PTPRD: variants seen among roughly 807,000 people sequenced by gnomAD.
The protein encoded by PTPRD is protein tyrosine phosphatase receptor type D.
In PTPRD, 34 loss-of-function variants were observed where a neutral mutation model predicts 214.5. The observed-to-expected ratio is 0.16, with a 90% CI of 0.12 to 0.21. The LOEUF (loss-of-function observed/expected upper bound fraction) is 0.21. PTPRD is among the 10% of genes least tolerant of loss of function. PTPRD has a pLI of 1.00. For missense variants in PTPRD, 2,545 were observed against 2,398.7 expected (o/e 1.06, Z -1.27); for synonymous variants, 1,128 against 845.7 (o/e 1.33, Z -5.79).
intron 2 of PTPRD, among the ~76,000 whole-genome samples, chr9:10,497,294 A>C (rs533298317): frequency 3.2e-4 from 49 of 152,112 alleles, no homozygotes; most frequent in Admixed American, 9.8e-4. Flanking sequence ...CTGTATCTAA[A>C]ATTAAAGTTG....
At chr9:9,941,095 G>T (rs1248503119) in intron 4 of PTPRD, among the ~76,000 whole-genome samples, 1 of 152,054 alleles carries the variant, frequency 6.6e-6, no homozygotes, top group African/African-American at 2.4e-5. Context: ...AAAATCTCAT[G>T]TTTTCTCATG....
intron 3 of PTPRD, among the ~76,000 whole-genome samples, chr9:10,126,209 G>A (rs1336739031): frequency 6.6e-6 from 1 of 151,996 alleles, no homozygotes. Context: ...TAGTGAGCTC[G>A]ATTTTCCTGA....
At chr9:9,843,183 G>GA (rs1484847023) in intron 5 of PTPRD, among the ~76,000 whole-genome samples, 1 of 152,002 alleles carries the variant, frequency 6.6e-6, no homozygotes, top group Non-Finnish European at 1.5e-5. Context: ...GGCATTTACA[G>GA]AAAAAGTCTG....
intron 7 of PTPRD, among the ~76,000 whole-genome samples, chr9:9,657,077 A>T (rs2096533185): frequency 6.6e-6 from 1 of 152,116 alleles, no homozygotes; most frequent in South Asian, 2.1e-4. Flanking sequence ...TAAATCCCAA[A>T]CACCTAGCAG....
At chr9:10,111,320 G>C (rs1245952062) in intron 3 of PTPRD, among the ~76,000 whole-genome samples, 1 of 124,638 alleles carries the variant, frequency 8.0e-6, no homozygotes, top group Non-Finnish European at 1.6e-5. Flanking sequence ...CTCACTGCAA[G>C]CTCCGCCTCC....
In PTPRD at chr9:10,422,909, G is replaced by A. The variant is rs746866153; in HGVS notation, c.-599-81892C>T. 8.4e-4 allele frequency among the ~76,000 whole-genome samples: 128 copies of A among 152,134 alleles called. No individual in the cohort carries two copies. In the Middle Eastern group the frequency reaches 0.01, roughly 12 times the overall value. ...GAAGACAGTGTGGCGATTCCTCAAG[G>A]ATCTAGAACTAGAAATACCATTTGA... On this transcript the variant is annotated intron_variant, in intron 2 of 45. Transcript: ENST00000381196.
chr9:10,328,486 C>A (rs1301578890), intron 3 of PTPRD, among the ~76,000 whole-genome samples: 1 of 151,680 alleles, frequency 6.6e-6, no homozygotes, highest in African/African-American at 2.4e-5. Context: ...CCCCTACAAA[C>A]TTCTCTTTGC....
rs2096330015 is a variant in PTPRD at position 8,794,119 on chromosome 9, A to G, written c.-103-60173T>C. Among the ~76,000 whole-genome samples the G allele has an allele frequency of 6.0e-5, 9 of 151,210 alleles. No individual in the cohort carries two copies. In the South Asian group the frequency reaches 1.9e-3, roughly 32 times the overall value. On this transcript the variant is annotated intron_variant, in intron 11 of 45. Transcript: ENST00000381196. The stretch of plus-strand genomic sequence containing the variant: ...GCAAAATTCACCAAGGACAGCAGCA[A>G]TGCATTTTTTCCCCCTGTATTTGTG...
At chr9:8,570,391 C>CAATTTAATAAAGATTAAGG (rs2090760582) in intron 14 of PTPRD, among the ~76,000 whole-genome samples, 1 of 152,032 alleles carries the variant, frequency 6.6e-6, no homozygotes. Context: ...TCAAAAGCAA[C>CAATTTAATAAAGATTAAGG]AATTTAATAA....
chr9:10,193,445 G>A (rs940029932), intron 3 of PTPRD, among the ~76,000 whole-genome samples: 4 of 152,000 alleles, frequency 2.6e-5, no homozygotes, highest in African/African-American at 7.3e-5. Flanking sequence ...ATGAGAGGTC[G>A]AGAGTTAAAT....
At chr9:10,310,498 T>C (rs139023209) in intron 3 of PTPRD, among the ~76,000 whole-genome samples, 1 of 151,850 alleles carries the variant, frequency 6.6e-6, no homozygotes, top group African/African-American at 2.4e-5. Flanking sequence ...AAATGGAAGG[T>C]TTAGGAAAGA....
intron 5 of PTPRD, among the ~76,000 whole-genome samples, chr9:9,918,896 T>C (rs1415829705): frequency 6.6e-6 from 1 of 152,016 alleles, no homozygotes; most frequent in Non-Finnish European, 1.5e-5. Flanking sequence ...AAACATCAAT[T>C]CAAAATTAAT....
intron 5 of PTPRD, among the ~76,000 whole-genome samples, chr9:9,886,746 T>C (rs1238769936): frequency 6.6e-6 from 1 of 152,184 alleles, no homozygotes; most frequent in Non-Finnish European, 1.5e-5. Flanking sequence ...AGCCTCCATC[T>C]TGTTTGCTGG....
chr9:10,048,178 T>C (rs2097443438), intron 3 of PTPRD, among the ~76,000 whole-genome samples: 1 of 152,156 alleles, frequency 6.6e-6, no homozygotes, highest in African/African-American at 2.4e-5. Flanking sequence ...ACTAGTTCCT[T>C]GATCTTCTGC....
At chr9:8,699,882 A>C (rs1177342401) in intron 12 of PTPRD, among the ~76,000 whole-genome samples, 1 of 152,206 alleles carries the variant, frequency 6.6e-6, no homozygotes, top group Non-Finnish European at 1.5e-5. Context: ...CATTGTGATA[A>C]GGGCAAAAAC....
chr9:10,582,977 G>T (rs922098332), intron 2 of PTPRD, among the ~76,000 whole-genome samples: 1 of 152,174 alleles, frequency 6.6e-6, no homozygotes, highest in Non-Finnish European at 1.5e-5. Flanking sequence ...TTTGATAGAA[G>T]AAAGAGCATG....
At chr9:9,234,779 G>T (rs1172328493) in intron 9 of PTPRD, among the ~76,000 whole-genome samples, 3 of 152,096 alleles carry the variant, frequency 2.0e-5, no homozygotes, top group Non-Finnish European at 2.9e-5. Flanking sequence ...GACCACCTCA[G>T]CCTGGACTTC....
chr9:9,774,135 T>C (rs140657462), intron 5 of PTPRD, among the ~76,000 whole-genome samples: 44 of 152,306 alleles, frequency 2.9e-4, no homozygotes, highest in Admixed American at 5.9e-4. Flanking sequence ...GATATCGGAA[T>C]CAAGAGTTCC....
chr9:10,543,160 C>T (rs1241295418), intron 2 of PTPRD, among the ~76,000 whole-genome samples: 1 of 152,108 alleles, frequency 6.6e-6, no homozygotes, highest in Non-Finnish European at 1.5e-5. Context: ...GCTGGGATTA[C>T]AGGTGCAAGC....
Sources: gnomAD v4.1 joint callset for allele counts (sites outside exome capture counted in the v4.1 genomes callset) on GRCh38, gnomAD v4.1.1 for gene constraint, MANE v1.5 for transcripts, NCBI Gene and HGNC (gene_info 2026-07-23, HGNC 2026-07-21) for gene names.